Variants in ZMIZ1 observed in about 807,000 individuals in gnomAD.
The protein encoded by ZMIZ1 is zinc finger MIZ-type containing 1.
In ZMIZ1, 17 loss-of-function variants were observed where a neutral mutation model predicts 113.9. That is an observed-to-expected ratio of 0.15 (90% confidence interval 0.10 to 0.22). The LOEUF is 0.22. Among genes scored for constraint, ZMIZ1 ranks in the 10% least tolerant of loss-of-function variants. The pLI, the probability that ZMIZ1 is intolerant of heterozygous loss-of-function variation, is 1.00. For missense variants in ZMIZ1, 1,059 were observed against 1,477.8 expected (o/e 0.72, Z 4.65); for synonymous variants, 607 against 603.1 (o/e 1.01, Z -0.09).
chr10:79,215,213 T>A (rs1848673654), intron 6 of ZMIZ1, among the ~76,000 whole-genome samples: 1 of 152,026 alleles, frequency 6.6e-6, no homozygotes, highest in Non-Finnish European at 1.5e-5. Context: ...CGGAGCAGCA[T>A]TACAATGCCT....
intron 1 of ZMIZ1, among the ~76,000 whole-genome samples, chr10:79,110,802 G>A (rs1300680898): frequency 6.6e-6 from 1 of 152,226 alleles, no homozygotes; most frequent in East Asian, 1.9e-4. Context: ...GCAGTCTGGG[G>A]CTTCCATTTT....
chr10:79,232,737 C>T (rs750126118), intron 7 of ZMIZ1, among the ~76,000 whole-genome samples: 3 of 152,210 alleles, frequency 2.0e-5, no homozygotes, highest in Non-Finnish European at 4.4e-5. Flanking sequence ...ACTGCATGCA[C>T]ATCCTCTCCT....
intron 3 of ZMIZ1, among the ~76,000 whole-genome samples, chr10:79,159,386 C>T (rs1450354298): frequency 6.6e-6 from 1 of 152,336 alleles, no homozygotes; most frequent in South Asian, 2.1e-4. Flanking sequence ...CTGAGCCCCC[C>T]TTTCGCAGCA....
Position 79,296,848 on chromosome 10 carries a change from C to CT in ZMIZ1, c.1413+196dup. Reference sequence around the variant, plus strand: ...ATGTCAGAGTGGCTTTTCTCAGTTCCTATTCTCATTCGTCTCGGATGATGG... The same window carrying CT: ...ATGTCAGAGTGGCTTTTCTCAGTTCCTTATTCTCATTCGTCTCGGATGATGG... On this transcript the variant is annotated intron_variant, in intron 13 of 24. Coordinates refer to ENST00000334512, the MANE Select transcript of ZMIZ1 (RefSeq NM_020338.4). The surrounding 1 kb of genome is among the most constrained non-coding windows in gnomAD (Gnocchi z 4.1). The CT allele has an allele frequency of 2.3e-6, 1 of 438,808 alleles. No individual in the cohort carries two copies. Among genetic ancestry groups the CT allele is most frequent in the Non-Finnish European group, 4.0e-6 (1 of 250,130 alleles). 27.2% of individuals were successfully genotyped at this position (438,808 alleles called of 1,614,324 possible).
At chr10:79,235,653 G>A (rs2132802503) in intron 7 of ZMIZ1, among the ~76,000 whole-genome samples, 1 of 152,326 alleles carries the variant, frequency 6.6e-6, no homozygotes, top group East Asian at 1.9e-4. Context: ...CCCACAGTAG[G>A]TGAGGGAAAG....
chr10:79,237,346 G>C (rs566776601), intron 7 of ZMIZ1, among the ~76,000 whole-genome samples: 1 of 152,220 alleles, frequency 6.6e-6, no homozygotes, highest in Non-Finnish European at 1.5e-5. Context: ...AGAATGTTTT[G>C]TGACTTAGGT....
chr10:79,069,588 C>T lies in ZMIZ1; in HGVS notation c.-337+318C>T, dbSNP rs1842179776. Among the ~76,000 whole-genome samples, 1 of 151,310 alleles carries T rather than the reference C, an allele frequency of 6.6e-6. No individual in the cohort carries two copies. The highest frequency in any genetic ancestry group is 6.6e-5 in the Admixed American group (1 of 15,232). ...CCGGTGCCCGCCTCCTGCCGGCGCG[C>T]CTCCAGCCCTCGCTCCCTACACCCG... On this transcript the variant is annotated intron_variant, in intron 1 of 24. Coordinates refer to ENST00000334512, the MANE Select transcript of ZMIZ1 (RefSeq NM_020338.4). This position sits in a 1 kb window ranked among gnomAD's most constrained non-coding sequence, Gnocchi z 4.6.
rs914496317 is a variant in ZMIZ1 at position 79,304,300 on chromosome 10, C to T, written c.2286+125C>T. ...TCCTGAAGGACGTCATGGAGATCAG[C>T]AGCTGGCGTCACTCATTAATTTCCG... is the stretch of plus-strand genomic sequence containing the variant. On this transcript the variant is annotated intron_variant, in intron 19 of 24. Transcript: ENST00000334512. 2.4e-6 allele frequency: 3 copies of T among 1,253,040 alleles called. No homozygotes were observed. The African/African-American group carries it at 4.5e-5, about 19-fold the overall frequency. 77.6% of individuals were successfully genotyped at this position (1,253,040 alleles called of 1,614,324 possible). A position where few individuals can be genotyped will look rare whatever the true frequency, so the allele number is the denominator to read the frequency against.
intron 3 of ZMIZ1, among the ~76,000 whole-genome samples, chr10:79,153,293 T>C (rs1399577045): frequency 6.6e-6 from 1 of 152,216 alleles, no homozygotes; most frequent in African/African-American, 2.4e-5. Flanking sequence ...GGCTGGACTA[T>C]GTCCTCCATC....
chr10:79,240,744 A>G (rs892801807), intron 7 of ZMIZ1, among the ~76,000 whole-genome samples: 5 of 133,726 alleles, frequency 3.7e-5, no homozygotes, highest in South Asian at 4.5e-4. Context: ...GCCCCACCCT[A>G]TGACTTACCA....
chr10:79,087,696 G>T (rs147207946), intron 1 of ZMIZ1, among the ~76,000 whole-genome samples: 92 of 152,320 alleles, frequency 6.0e-4, no homozygotes, highest in African/African-American at 2.1e-3. Context: ...GAAATTCAGT[G>T]CCCTTCATTC....
chr10:79,300,994 G>A lies in ZMIZ1; in HGVS notation c.2019+52G>A, dbSNP rs369883802. Reference sequence around the variant, plus strand: ...TTGGCACAGGCAGGCCCTGTTTCACGGCATGAGAGTGCGGAATACCCTGCC... The same window carrying A: ...TTGGCACAGGCAGGCCCTGTTTCACAGCATGAGAGTGCGGAATACCCTGCC... On this transcript the variant is annotated intron_variant, in intron 17 of 24. Coordinates refer to ENST00000334512, the MANE Select transcript of ZMIZ1 (RefSeq NM_020338.4). 3.3e-4 allele frequency: 528 copies of A among 1,594,354 alleles called. 4 individuals carry two copies. In the East Asian group the frequency reaches 9.3e-3, roughly 28 times the overall value.
intron 4 of ZMIZ1, among the ~76,000 whole-genome samples, chr10:79,193,272 C>T (rs755718903): frequency 6.6e-5 from 10 of 152,224 alleles, no homozygotes; most frequent in Non-Finnish European, 1.2e-4. Flanking sequence ...CCTAATTTAA[C>T]TGCATGCTAA....
Position 79,312,836 on chromosome 10 carries a change from C to G in ZMIZ1, c.*87C>G. ...TTTTCCACCTGGGAGCCTGTGCCCTCAGACCGCCCCGCACCAGAGCCACGG... is the reference window on the plus strand; with the variant it reads ...TTTTCCACCTGGGAGCCTGTGCCCTGAGACCGCCCCGCACCAGAGCCACGG... On this transcript the variant is annotated 3_prime_UTR_variant, in exon 25 of 25. Coordinates refer to ENST00000334512, the MANE Select transcript of ZMIZ1 (RefSeq NM_020338.4). The G allele has an allele frequency of 7.6e-7, 1 of 1,315,872 alleles. No homozygotes were observed. The highest frequency in any genetic ancestry group is 1.2e-5 in the South Asian group (1 of 81,498). The allele number at this position is 1,315,872 out of a possible 1,614,324, so 81.5% of individuals were successfully genotyped here. A position where few individuals can be genotyped will look rare whatever the true frequency, so the allele number is the denominator to read the frequency against.
At chr10:79,154,846 C>T (rs568845577) in intron 3 of ZMIZ1, among the ~76,000 whole-genome samples, 9 of 152,310 alleles carry the variant, frequency 5.9e-5, no homozygotes, top group African/African-American at 1.9e-4. Context: ...CTCTGTGATA[C>T]GGGGTTCAGT....
At chr10:79,292,436 C>A in intron 11 of ZMIZ1, 80 bp downstream of exon 11, 1 of 1,542,356 alleles carries the variant, frequency 6.5e-7, no homozygotes, top group South Asian at 1.2e-5. Context: ...GTTGGGATGT[C>A]AGTGCTTATG....
At chr10:79,153,185 G>A (rs1451933309) in intron 3 of ZMIZ1, among the ~76,000 whole-genome samples, 1 of 152,246 alleles carries the variant, frequency 6.6e-6, no homozygotes, top group African/African-American at 2.4e-5. Context: ...TGCCTTCTGG[G>A]GTGGGCCCTG....
chr10:79,236,294 G>A (rs1849584011), intron 7 of ZMIZ1, among the ~76,000 whole-genome samples: 1 of 152,218 alleles, frequency 6.6e-6, no homozygotes, highest in South Asian at 2.1e-4. Context: ...GGAAGCATCA[G>A]GAACAGAATT....
intron 7 of ZMIZ1, among the ~76,000 whole-genome samples, chr10:79,239,482 C>T (rs1408939539): frequency 2.0e-5 from 3 of 152,202 alleles, no homozygotes; most frequent in African/African-American, 7.2e-5. Flanking sequence ...CGCCTACGCC[C>T]GCATGGGTGA....
Sources: allele counts gnomAD v4.1 joint callset (sites outside exome capture counted in the v4.1 genomes callset), GRCh38; gene constraint gnomAD v4.1.1; non-coding constraint Gnocchi (gnomAD v3.1); transcripts MANE v1.5; gene names NCBI Gene and HGNC (gene_info 2026-07-23, HGNC 2026-07-21).